NFKB1: variants seen among roughly 807,000 people sequenced by gnomAD.
NFKB1 encodes nuclear factor kappa B subunit 1, also known as nuclear factor NF-kappa-B p105 subunit.
NFKB1 carries 9 observed loss-of-function variants against 105.1 expected under a neutral mutation model. That is an observed-to-expected ratio of 0.09 (90% CI 0.05 to 0.15). The LOEUF is 0.15. NFKB1 is among the 10% of genes least tolerant of loss of function. The pLI is 1.00. For synonymous variants in NFKB1, 440 were observed against 442.2 expected (o/e 1.00, Z 0.06); for missense variants, 830 against 1,203.7 (o/e 0.69, Z 4.59).
intron 1 of NFKB1, among the ~76,000 whole-genome samples, chr4:102,523,539 T>A (rs188804627): frequency 6.6e-6 from 1 of 152,302 alleles, no homozygotes; most frequent in East Asian, 1.9e-4. Context: ...ATATATTCAT[T>A]ACGGTGAGGG....
intron 5 of NFKB1, among the ~76,000 whole-genome samples, chr4:102,566,562 C>G (rs1329623662): frequency 6.6e-6 from 1 of 152,164 alleles, no homozygotes; most frequent in Non-Finnish European, 1.5e-5. Context: ...CTGCCTTCTT[C>G]CTTTGATTTC....
At chr4:102,589,821 A>G (rs1437435551) in intron 11 of NFKB1, among the ~76,000 whole-genome samples, 1 of 152,198 alleles carries the variant, frequency 6.6e-6, no homozygotes, top group African/African-American at 2.4e-5. Context: ...CAGCCCAAAA[A>G]AAGAGAAGAA....
chr4:102,548,938 A>G (rs967281237), intron 5 of NFKB1, among the ~76,000 whole-genome samples: 19 of 152,022 alleles, frequency 1.2e-4, no homozygotes, highest in African/African-American at 3.1e-4. Context: ...AGATAATACA[A>G]TATTCTGAGG....
At chr4:102,559,390 G>A (rs1268482762) in intron 5 of NFKB1, among the ~76,000 whole-genome samples, 1 of 151,904 alleles carries the variant, frequency 6.6e-6, no homozygotes, top group Admixed American at 6.6e-5. Flanking sequence ...GGAGTGATAA[G>A]ACATGGCATG....
intron 23 of NFKB1, among the ~76,000 whole-genome samples, chr4:102,615,675 G>A (rs538705770): frequency 6.6e-6 from 1 of 152,298 alleles, no homozygotes; most frequent in South Asian, 2.1e-4. Context: ...CGCATAGTTT[G>A]TAACCCATAA....
chr4:102,584,725 T>C lies in NFKB1; in HGVS notation c.971T>C (p.Ile324Thr). 6.2e-7 allele frequency: 1 copy of C among 1,612,042 alleles called. No homozygotes were observed. Among genetic ancestry groups the C allele is most frequent in the Non-Finnish European group, 8.5e-7 (1 of 1,179,144 alleles). Residue 324 changes from isoleucine to threonine, a missense_variant, in exon 11 of 24, where the codon ATT (isoleucine) becomes ACT (threonine). Physicochemically the swap from Ile to Thr is moderately conservative, Grantham distance 89. Transcript: ENST00000226574. ...FKTPKYKDIN[I>T]TKPASVFVQL... is the part of the protein sequence containing the mutation. ...ACTCCAAAGTATAAAGATATTAATA[T>C]TACAAAACCAGCCTCTGTGTTTGTC...
intron 5 of NFKB1, among the ~76,000 whole-genome samples, chr4:102,565,219 A>C (rs566787829): frequency 2.0e-5 from 3 of 152,108 alleles, no homozygotes; most frequent in African/African-American, 7.2e-5. Context: ...TTAATTAGCA[A>C]CCCTCTTCGT....
chr4:102,539,627 T>G (rs1741870328), intron 5 of NFKB1, among the ~76,000 whole-genome samples: 1 of 152,200 alleles, frequency 6.6e-6, no homozygotes, highest in African/African-American at 2.4e-5. Flanking sequence ...TAATTTGCAC[T>G]TATTAAACAC....
chr4:102,507,484 T>A (rs1739498688), intron 1 of NFKB1, among the ~76,000 whole-genome samples: 1 of 152,090 alleles, frequency 6.6e-6, no homozygotes, highest in Non-Finnish European at 1.5e-5. Context: ...TTTTTTTCAG[T>A]AGAGATGGGA....
At chr4:102,528,918 C>A (rs1185496392) in intron 2 of NFKB1, among the ~76,000 whole-genome samples, 1 of 152,032 alleles carries the variant, frequency 6.6e-6, no homozygotes, top group East Asian at 1.9e-4. Context: ...GGCTGCTTTC[C>A]TTCTTGCAGC....
intron 5 of NFKB1, among the ~76,000 whole-genome samples, chr4:102,547,381 C>A (rs1722221214): frequency 6.6e-6 from 1 of 152,172 alleles, no homozygotes; most frequent in African/African-American, 2.4e-5. Flanking sequence ...CTGCAGATTT[C>A]TGGCTCTACA....
intron 16 of NFKB1, among the ~76,000 whole-genome samples, chr4:102,603,781 C>T (rs1252851360): frequency 6.6e-6 from 1 of 152,212 alleles, no homozygotes; most frequent in Non-Finnish European, 1.5e-5. Flanking sequence ...TTTCACTAAT[C>T]TAAGTACATT....
intron 5 of NFKB1, among the ~76,000 whole-genome samples, chr4:102,549,384 T>C (rs888572380): frequency 6.7e-6 from 1 of 148,490 alleles, no homozygotes; most frequent in African/African-American, 2.4e-5. Flanking sequence ...TAGATTAATA[T>C]ATGTATTTAT....
intron 16 of NFKB1, among the ~76,000 whole-genome samples, chr4:102,604,343 A>G (rs1226809065): frequency 6.6e-6 from 1 of 152,148 alleles, no homozygotes; most frequent in East Asian, 1.9e-4. Flanking sequence ...ACGTACTAGG[A>G]AGTCCTAGTA....
At chr4:102,603,165 C>A (rs1038592817) in intron 16 of NFKB1, among the ~76,000 whole-genome samples, 4 of 152,164 alleles carry the variant, frequency 2.6e-5, no homozygotes, top group Admixed American at 2.6e-4. Flanking sequence ...CTCCACCTCC[C>A]AGGTTCAAGC....
chr4:102,577,988 T>G, intron 7 of NFKB1: 1 of 985,452 alleles, frequency 1.0e-6, no homozygotes, highest in Non-Finnish European at 1.2e-6. Flanking sequence ...AAGTTGGCTT[T>G]TTGGATCTCC....
At chr4:102,547,389 A>G (rs927453881) in intron 5 of NFKB1, among the ~76,000 whole-genome samples, 1 of 152,162 alleles carries the variant, frequency 6.6e-6, no homozygotes, top group Non-Finnish European at 1.5e-5. Flanking sequence ...TTCTGGCTCT[A>G]CATTTACAGT....
intron 6 of NFKB1, among the ~76,000 whole-genome samples, chr4:102,569,019 C>T (rs993739736): frequency 9.2e-5 from 14 of 152,034 alleles, no homozygotes; most frequent in African/African-American, 3.1e-4. Flanking sequence ...GTAGTCTTAA[C>T]GTTTTTAGTG....
chr4:102,602,624 T>C (rs980835171), intron 16 of NFKB1, among the ~76,000 whole-genome samples: 1 of 152,154 alleles, frequency 6.6e-6, no homozygotes, highest in Non-Finnish European at 1.5e-5. Flanking sequence ...AGTTTTTACC[T>C]GTGACTAGGT....
Sources: gnomAD v4.1 joint callset for allele counts (sites outside exome capture counted in the v4.1 genomes callset) on GRCh38, gnomAD v4.1.1 for gene constraint, MANE v1.5 for transcripts, NCBI Gene and HGNC (gene_info 2026-07-23, HGNC 2026-07-21) for gene names.